The following SLC24A2 variants were observed in gnomAD, a reference collection of about 807,000 sequenced individuals.
SLC24A2 encodes the protein sodium/potassium/calcium exchanger 2.
A neutral mutation model predicts 62.0 loss-of-function variants in SLC24A2; 36 were observed. The ratio of observed to expected loss-of-function variants is 0.58; its 90% CI spans 0.44 to 0.77. The LOEUF is 0.77. Ranked by LOEUF, SLC24A2 falls within the 30% of genes least tolerant of loss-of-function variation. The pLI is 0.00. For synonymous variants in SLC24A2, 358 were observed against 294.0 expected (o/e 1.22, Z -2.23); for missense variants, 846 against 817.9 (o/e 1.03, Z -0.42).
the SLC24A2 span, among the ~76,000 whole-genome samples, chr9:20,229,688 T>G: frequency 6.6e-6 from 1 of 152,134 alleles, no homozygotes; most frequent in African/African-American, 2.4e-5. Context: ...TATCACAGTA[T>G]ATTCATTTAT....
At chr9:19,665,783 TTGTG>T (rs965844741) in intron 2 of SLC24A2, among the ~76,000 whole-genome samples, 8 of 151,698 alleles carry the variant, frequency 5.3e-5, no homozygotes, top group Non-Finnish European at 1.0e-4. Context: ...CCTGGTTAAT[TTGTG>T]TGTGTGTGTA....
the SLC24A2 span, among the ~76,000 whole-genome samples, chr9:20,270,236 C>A: frequency 1.3e-5 from 2 of 152,140 alleles, no homozygotes. Flanking sequence ...CCCAACACTG[C>A]CACACTGGGG....
At chr9:19,692,302 C>T (rs1213179343) in intron 2 of SLC24A2, among the ~76,000 whole-genome samples, 1 of 152,130 alleles carries the variant, frequency 6.6e-6, no homozygotes, top group Admixed American at 6.5e-5. Flanking sequence ...TGGGAACAGA[C>T]TTTCAAAGAC....
chr9:19,581,975 A>G (rs1304825926), intron 5 of SLC24A2, among the ~76,000 whole-genome samples: 1 of 152,212 alleles, frequency 6.6e-6, no homozygotes, highest in African/African-American at 2.4e-5. Flanking sequence ...TTGTATAGTT[A>G]AAAATCTCAG....
intron 7 of SLC24A2, among the ~76,000 whole-genome samples, chr9:19,572,676 C>T (rs1016110578): frequency 6.6e-6 from 1 of 152,198 alleles, no homozygotes; most frequent in African/African-American, 2.4e-5. Flanking sequence ...TTCATAAGTT[C>T]TCTATAGCAG....
the SLC24A2 span, among the ~76,000 whole-genome samples, chr9:20,109,746 A>T: frequency 6.6e-6 from 1 of 152,166 alleles, no homozygotes; most frequent in Admixed American, 6.6e-5. Context: ...CATGGCCATG[A>T]GTACAACTAC....
chr9:19,567,070 G>T (rs1835681544), intron 7 of SLC24A2, among the ~76,000 whole-genome samples: 1 of 150,784 alleles, frequency 6.6e-6, no homozygotes, highest in Non-Finnish European at 1.5e-5. Context: ...TAATAAACCT[G>T]CACGTTGTGC....
chr9:20,095,611 C>A, the SLC24A2 span, among the ~76,000 whole-genome samples: 2 of 152,102 alleles, frequency 1.3e-5, no homozygotes, highest in Non-Finnish European at 2.9e-5. Flanking sequence ...CTTGGTTGAA[C>A]AGCTCACTGA....
chr9:20,046,652 G>C, the SLC24A2 span, among the ~76,000 whole-genome samples: 1 of 152,190 alleles, frequency 6.6e-6, no homozygotes, highest in Non-Finnish European at 1.5e-5. Flanking sequence ...AACCTCTATA[G>C]TCTTCAGAAT....
chr9:19,991,834 G>C, the SLC24A2 span, among the ~76,000 whole-genome samples: 6 of 152,152 alleles, frequency 3.9e-5, no homozygotes, highest in African/African-American at 1.4e-4. Context: ...GAACAGTCTA[G>C]ACATTCAAAA....
the SLC24A2 span, among the ~76,000 whole-genome samples, chr9:20,001,519 C>T: frequency 3.9e-5 from 6 of 152,188 alleles, no homozygotes; most frequent in Non-Finnish European, 8.8e-5. Flanking sequence ...CAAGGCCCTG[C>T]CTTTTTTGGG....
At chr9:20,270,700 G>C in the SLC24A2 span, among the ~76,000 whole-genome samples, 3 of 152,170 alleles carry the variant, frequency 2.0e-5, no homozygotes, top group Non-Finnish European at 4.4e-5. Flanking sequence ...TGCCTGCTAT[G>C]TGACAGACTC....
At chr9:19,705,063 G>A (rs1820471168) in intron 2 of SLC24A2, among the ~76,000 whole-genome samples, 7 of 152,032 alleles carry the variant, frequency 4.6e-5, no homozygotes. Flanking sequence ...TCATTTCTGT[G>A]AGTTGTCCCC....
At chr9:19,764,532 T>C (rs1822452347) in intron 2 of SLC24A2, among the ~76,000 whole-genome samples, 1 of 152,178 alleles carries the variant, frequency 6.6e-6, no homozygotes, top group African/African-American at 2.4e-5. Flanking sequence ...AAAGAACTTA[T>C]TTATTTCTGT....
the SLC24A2 span, among the ~76,000 whole-genome samples, chr9:19,847,123 T>A: frequency 6.6e-6 from 1 of 152,222 alleles, no homozygotes; most frequent in Non-Finnish European, 1.5e-5. Context: ...TATGGGACTA[T>A]TTATAGAGCA....
chr9:20,051,019 G>A, the SLC24A2 span, among the ~76,000 whole-genome samples: 1 of 152,012 alleles, frequency 6.6e-6, no homozygotes, highest in African/African-American at 2.4e-5. Context: ...TAGTGAGATG[G>A]TAGATCTAAG....
the SLC24A2 span, among the ~76,000 whole-genome samples, chr9:20,203,951 A>G: frequency 2.3e-3 from 344 of 150,652 alleles, 4 homozygotes; most frequent in Admixed American, 0.021. Context: ...TTTTCCTAGT[A>G]ACAAAAACTG....
At chr9:20,164,712 T>C in the SLC24A2 span, among the ~76,000 whole-genome samples, 3 of 152,088 alleles carry the variant, frequency 2.0e-5, no homozygotes, top group Admixed American at 2.0e-4. Context: ...CTATTCACAA[T>C]AGCAAAGACT....
chr9:19,699,487 C>T lies in SLC24A2; in HGVS notation c.931-77188G>A, dbSNP rs1008984447. Reference sequence around the variant, plus strand: ...AAGTGAATAATGTTTCACTAAATTACGGTTACATTCATGCAATATTATGAT... The same window carrying T: ...AAGTGAATAATGTTTCACTAAATTATGGTTACATTCATGCAATATTATGAT... On this transcript the variant is annotated intron_variant, in intron 2 of 10. Transcript: ENST00000341998. Among the ~76,000 whole-genome samples the T allele has an allele frequency of 1.1e-4, 17 of 152,218 alleles. No homozygotes were observed. In the South Asian group the frequency reaches 2.5e-3, roughly 22 times the overall value.
Sources: gnomAD v4.1 joint callset for allele counts (sites outside exome capture counted in the v4.1 genomes callset) on GRCh38, gnomAD v4.1.1 for gene constraint, MANE v1.5 for transcripts, NCBI Gene and HGNC (gene_info 2026-07-23, HGNC 2026-07-21) for gene names.